Variants in PAX6 observed in about 807,000 individuals in gnomAD.
PAX6 encodes the protein paired box 6.
Under a neutral mutation model 60.7 loss-of-function variants are expected in PAX6, and 7 were observed. The observed-to-expected ratio is 0.12, with a 90% CI of 0.07 to 0.22. The LOEUF is 0.22. PAX6 is among the 10% of genes least tolerant of loss of function. The pLI is 1.00. For missense variants in PAX6, 355 were observed against 555.2 expected (o/e 0.64, Z 3.62); for synonymous variants, 208 against 201.2 (o/e 1.03, Z -0.29).
rs759391101 is a variant in PAX6 at position 31,789,912 on chromosome 11, CTTTTTTTTT to C, written c.*13_*21del. 1.2e-5 allele frequency: 13 copies of C among 1,046,604 alleles called. No homozygotes were observed. The highest frequency in any genetic ancestry group is 8.9e-5 in the South Asian group (6 of 67,626). The allele number at this position is 1,046,604 out of a possible 1,614,324, so 64.8% of individuals were successfully genotyped here. A position where few individuals can be genotyped will look rare whatever the true frequency, so the allele number is the denominator to read the frequency against. On this transcript the variant is annotated 3_prime_UTR_variant, in exon 14 of 14. Coordinates refer to ENST00000640368, the MANE Select transcript of PAX6 (RefSeq NM_001368894.2). Reference sequence around the variant, plus strand: ...CTGAATTAACACAATATTTCCTTTCCTTTTTTTTTTTTTTTTTTTTTTTACTGTAATCTT... The same window carrying C: ...CTGAATTAACACAATATTTCCTTTCCTTTTTTTTTTTTTTACTGTAATCTT...
At chr11:31,801,954 T>C in intron 5 of PAX6, 42 bp from the exon 6 acceptor site, 1 of 1,513,386 alleles carries the variant, frequency 6.6e-7, no homozygotes, top group Non-Finnish European at 9.2e-7. Flanking sequence ...GAGAACTTAC[T>C]GTAGAGAGCT....
intron 5 of PAX6, chr11:31,802,435 A>C: frequency 2.2e-6 from 1 of 461,866 alleles, no homozygotes; most frequent in Non-Finnish European, 3.8e-6. Context: ...TAAAAAGAGA[A>C]AGATTTTTTT....
chr11:31,798,800 C>A (rs1391910027), intron 8 of PAX6, among the ~76,000 whole-genome samples: 1 of 152,244 alleles, frequency 6.6e-6, no homozygotes, highest in South Asian at 2.1e-4. Flanking sequence ...TCTCACTTCC[C>A]GCCCTCAGAC....
At chr11:31,798,671 G>A (rs79528246) in intron 8 of PAX6, among the ~76,000 whole-genome samples, 1 of 152,216 alleles carries the variant, frequency 6.6e-6, no homozygotes, top group Non-Finnish European at 1.5e-5. Context: ...CGGGTGGGGG[G>A]GTGGTGATTG....
At chr11:31,816,567 C>T (rs1421226714) in intron 1 of PAX6, 5 of 702,524 alleles carry the variant, frequency 7.1e-6, no homozygotes, top group African/African-American at 7.0e-5. Context: ...CCACTTCCCA[C>T]TGCGAAGCAG....
chr11:31,791,290 C>T (rs930719917), intron 12 of PAX6: 5 of 315,330 alleles, frequency 1.6e-5, no homozygotes, highest in Admixed American at 8.4e-5. Flanking sequence ...GGACAGAGAG[C>T]AGTGGGAGGA....
At chr11:31,796,862 C>T (rs1394033708) in intron 8 of PAX6, among the ~76,000 whole-genome samples, 2 of 152,032 alleles carry the variant, frequency 1.3e-5, no homozygotes, top group Non-Finnish European at 2.9e-5. Flanking sequence ...CTTTGCACTC[C>T]ATCAGAAAGG....
rs1956953809 is a variant in PAX6 at position 31,810,990 on chromosome 11, G to A, written c.-291C>T. On this transcript the variant is annotated 5_prime_UTR_variant, in exon 2 of 14. Transcript: ENST00000640368. ...TTTTCTCCACGGATGTTGCTGGGTT[G>A]GTGTGTGAGAGCAATTCTCAGATTC... 2.5e-6 allele frequency: 1 copy of A among 399,288 alleles called. No homozygotes were observed. The highest frequency in any genetic ancestry group is 3.6e-5 in the East Asian group (1 of 28,074). The allele number at this position is 399,288 out of a possible 1,614,324, so 24.7% of individuals were successfully genotyped here.
intron 1 of PAX6, among the ~76,000 whole-genome samples, chr11:31,817,497 T>A (rs1806182): frequency 1.0e-3 from 159 of 152,376 alleles, no homozygotes; most frequent in African/African-American, 3.7e-3. Context: ...CGCGAGTGGC[T>A]TTAGCAGACA....
intron 12 of PAX6, chr11:31,791,614 TAAAAG>T (rs1411014111): frequency 6.5e-6 from 1 of 152,928 alleles, no homozygotes; most frequent in Non-Finnish European, 1.5e-5. Flanking sequence ...TGGGATGAAT[TAAAAG>T]AAGTGTGTCG....
upstream of PAX6, among the ~76,000 whole-genome samples, chr11:31,815,406 C>T (rs983107913): frequency 6.6e-6 from 1 of 152,164 alleles, no homozygotes; most frequent in Non-Finnish European, 1.5e-5. Flanking sequence ...CTGGATATCC[C>T]CTCTCTAAAC....
rs1374530619 is a variant in PAX6 at position 31,810,948 on chromosome 11, G to C, written c.-249C>G. On this transcript the variant is annotated 5_prime_UTR_variant, in exon 2 of 14. Transcript: ENST00000640368. Reference sequence around the variant, plus strand: ...TGGTTTGAAATGACGGTGTTTTAAAGGAGTTGCTGGTGAGAGTTTTCTCCA... The same window carrying C: ...TGGTTTGAAATGACGGTGTTTTAAACGAGTTGCTGGTGAGAGTTTTCTCCA... The C allele has an allele frequency of 1.0e-5, 4 of 399,148 alleles. No homozygotes were observed. The highest frequency in any genetic ancestry group is 2.1e-5 in the African/African-American group (1 of 48,644). The allele number at this position is 399,148 out of a possible 1,614,324, so 24.7% of individuals were successfully genotyped here. A position where few individuals can be genotyped will look rare whatever the true frequency, so the allele number is the denominator to read the frequency against.
intron 2 of PAX6, among the ~76,000 whole-genome samples, 162 bp from the exon 3 acceptor site, chr11:31,807,087 G>A (rs565376321): frequency 2.0e-5 from 3 of 152,182 alleles, no homozygotes; most frequent in African/African-American, 7.2e-5. Context: ...CATTTTCAGC[G>A]GCATCTGCCA....
At position 31,801,661 on chromosome 11, in the gene PAX6, T is replaced by C. The variant is rs1465798693; in HGVS notation, c.299A>G (p.Lys100Arg). The C allele has an allele frequency of 6.2e-7, 1 of 1,614,048 alleles. No individual in the cohort carries two copies. The highest frequency in any genetic ancestry group is 2.2e-5 in the East Asian group (1 of 44,884). Residue 100 changes from lysine (K) to arginine (R), a missense_variant, in exon 7 of 14, where the codon AAA (lysine) becomes AGA (arginine). Lys to Arg is a conservative substitution (Grantham distance 26). Transcript: ENST00000640368. ...GCACTCCCGCTTATACTGGGCTATT[T>C]TGCTTACAACTTCTGGAGTCGCTAC... ...PRVATPEVVS[K>R]IAQYKRECPS...
intron 8 of PAX6, 117 bp downstream of exon 8, chr11:31,800,574 T>G (rs1221298877): frequency 6.4e-6 from 8 of 1,241,252 alleles, no homozygotes; most frequent in Non-Finnish European, 8.2e-6. Flanking sequence ...TCAAATGCAG[T>G]CTCACCCATG....
intron 13 of PAX6, 76 bp from the exon 14 acceptor site, chr11:31,790,095 TACA>T (rs1949301789): frequency 1.1e-4 from 7 of 61,232 alleles, no homozygotes; most frequent in Non-Finnish European, 1.3e-4. Context: ...TTTATAGGTT[TACA>T]AAAAAAAAAA....
At chr11:31,816,594 C>G (rs538701586) in intron 1 of PAX6, 38 of 702,596 alleles carry the variant, frequency 5.4e-5, no homozygotes, top group South Asian at 5.2e-4. Context: ...TGCTCGCCGC[C>G]CAGCTCCAGG....
chr11:31,800,913 C>T, intron 7 of PAX6, 57 bp from the exon 8 acceptor site: 1 of 1,556,892 alleles, frequency 6.4e-7, no homozygotes, highest in Non-Finnish European at 8.8e-7. Context: ...ACACAGTCAC[C>T]CATCTCAGCT....
intron 8 of PAX6, among the ~76,000 whole-genome samples, chr11:31,796,171 GACC>G (rs1347080098): frequency 6.6e-6 from 1 of 152,164 alleles, no homozygotes; most frequent in Non-Finnish European, 1.5e-5. Context: ...CTATTGAGAT[GACC>G]ACCAACACTT....
Sources: allele counts gnomAD v4.1 joint callset (sites outside exome capture counted in the v4.1 genomes callset), GRCh38; gene constraint gnomAD v4.1.1; transcripts MANE v1.5; gene names NCBI Gene and HGNC (gene_info 2026-07-23, HGNC 2026-07-21).